Variants in KIF16B observed in about 807,000 individuals in gnomAD.
The protein encoded by KIF16B is kinesin family member 16B.
In KIF16B, 98 loss-of-function variants were observed where a neutral mutation model predicts 156.3. The observed-to-expected ratio is 0.63, with a 90% CI of 0.53 to 0.74. KIF16B has a LOEUF of 0.74. Among genes scored for constraint, KIF16B ranks in the 30% least tolerant of loss-of-function variants. KIF16B has a pLI of 0.00. For missense variants in KIF16B, 1,421 were observed against 1,606.5 expected, an observed-to-expected ratio of 0.88 and a Z score of 1.97; for synonymous variants, 564 against 583.7, an observed-to-expected ratio of 0.97 and a Z score of 0.49.
chr20:16,487,517 A>AG (rs1326931792), intron 12 of KIF16B, among the ~76,000 whole-genome samples: 1 of 152,182 alleles, frequency 6.6e-6, no homozygotes, highest in Non-Finnish European at 1.5e-5. Flanking sequence ...AGGCAGCCAG[A>AG]GAAAAAAATC....
In KIF16B at chr20:16,361,136, C is replaced by T. The variant is rs1288440119; in HGVS notation, c.3499-4684G>A. Among the ~76,000 whole-genome samples, 3 of 152,330 alleles carry T rather than the reference C, an allele frequency of 2.0e-5. No individual in the cohort carries two copies. The East Asian group carries it at 5.8e-4, about 29-fold the overall frequency. The stretch of plus-strand genomic sequence containing the variant: ...TTAACAAAATTACAAATTCTCCTGT[C>T]CCTGTTCCAACCATAGCACATATTT... On this transcript the variant is annotated intron_variant, in intron 22 of 25. Coordinates refer to ENST00000354981, the MANE Select transcript of KIF16B (RefSeq NM_024704.5).
At chr20:16,441,983 C>T (rs549948560) in intron 12 of KIF16B, among the ~76,000 whole-genome samples, 1 of 152,256 alleles carries the variant, frequency 6.6e-6, no homozygotes, top group South Asian at 2.1e-4. Context: ...TACAGATATA[C>T]AGTCCTGCAT....
chr20:16,293,854 C>A (rs2063345573), intron 25 of KIF16B, among the ~76,000 whole-genome samples: 1 of 152,116 alleles, frequency 6.6e-6, no homozygotes, highest in South Asian at 2.1e-4. Context: ...TCACCACAGT[C>A]CTGACTCAGT....
At position 16,273,129 on chromosome 20, in the gene KIF16B, T is replaced by G. The variant is rs1434667904; in HGVS notation, c.*124A>C. Reference sequence around the variant, plus strand: ...GAAACGTGAGGTGGCCCGGGCCCGCTGCTGCATGTCTGTCTTCAGCAGGAG... The same window carrying G: ...GAAACGTGAGGTGGCCCGGGCCCGCGGCTGCATGTCTGTCTTCAGCAGGAG... On this transcript the variant is annotated 3_prime_UTR_variant, in exon 26 of 26. Transcript: ENST00000354981. The G allele has an allele frequency of 1.2e-6, 1 of 808,836 alleles. No homozygotes were observed. The highest frequency in any genetic ancestry group is 2.1e-6 in the Non-Finnish European group (1 of 485,362). 50.1% of individuals were successfully genotyped at this position (808,836 alleles called of 1,614,324 possible). A position where few individuals can be genotyped will look rare whatever the true frequency, so the allele number is the denominator to read the frequency against.
chr20:16,410,756 T>C (rs2065933037), intron 15 of KIF16B, among the ~76,000 whole-genome samples: 1 of 152,084 alleles, frequency 6.6e-6, no homozygotes, highest in Non-Finnish European at 1.5e-5. Flanking sequence ...GTCTTTTTGT[T>C]AGCATAATGA....
chr20:16,422,176 C>CTA (rs2066242612), intron 15 of KIF16B, among the ~76,000 whole-genome samples: 1 of 152,040 alleles, frequency 6.6e-6, no homozygotes, highest in Non-Finnish European at 1.5e-5. Context: ...GTAATCATCG[C>CTA]TATATAAACA....
intron 1 of KIF16B, among the ~76,000 whole-genome samples, chr20:16,539,668 T>C (rs898142797): frequency 2.0e-5 from 3 of 152,230 alleles, no homozygotes; most frequent in Admixed American, 2.0e-4. Flanking sequence ...ATGCTTCCTG[T>C]ACAGCCTGCA....
At chr20:16,570,582 A>C (rs980764962) in intron 1 of KIF16B, among the ~76,000 whole-genome samples, 1 of 152,222 alleles carries the variant, frequency 6.6e-6, no homozygotes, top group Non-Finnish European at 1.5e-5. Context: ...AAGTATATTC[A>C]GTTGCCAATT....
At chr20:16,547,271 C>T (rs2070450641) in intron 1 of KIF16B, among the ~76,000 whole-genome samples, 3 of 152,202 alleles carry the variant, frequency 2.0e-5, no homozygotes, top group Admixed American at 2.0e-4. Flanking sequence ...AGAGGCAGGA[C>T]AAACACATGC....
intron 3 of KIF16B, among the ~76,000 whole-genome samples, chr20:16,517,403 T>C (rs2069176909): frequency 6.6e-6 from 1 of 152,246 alleles, no homozygotes; most frequent in Non-Finnish European, 1.5e-5. Context: ...CAACTCACAC[T>C]TACTCCGGTC....
chr20:16,277,017 C>T (rs2122265891), intron 25 of KIF16B, among the ~76,000 whole-genome samples: 1 of 152,340 alleles, frequency 6.6e-6, no homozygotes, highest in Middle Eastern at 3.4e-3. Context: ...CGTACTCCCT[C>T]CTCCGGTACA....
intron 12 of KIF16B, among the ~76,000 whole-genome samples, chr20:16,455,703 G>A (rs2067194906): frequency 6.6e-6 from 1 of 152,178 alleles, no homozygotes. Context: ...GAGAAAGAAA[G>A]AGACAAAAGG....
chr20:16,396,648 C>CTTCTTTT (rs549708653), intron 17 of KIF16B, among the ~76,000 whole-genome samples: 23 of 124,642 alleles, frequency 1.8e-4, no homozygotes, highest in African/African-American at 6.3e-4. Context: ...ACTGTAGTCG[C>CTTCTTTT]TTTTTTTTTT....
chr20:16,504,490 T>C lies in KIF16B; in HGVS notation c.1058A>G (p.Asn353Ser). 1 of 1,614,118 alleles carries C rather than the reference T, an allele frequency of 6.2e-7. No individual in the cohort carries two copies. The highest frequency in any genetic ancestry group is 8.5e-7 in the Non-Finnish European group (1 of 1,179,984). Reference protein sequence around the residue: ...GETLSTLRYANRAKNIINKPT... With the variant: ...GETLSTLRYASRAKNIINKPT... ...CTTGTTGATGATGTTTTTGGCTCTA[T>C]TTGCATAGCGAAGAGTACTTAGGGT... Residue 353 changes from asparagine to serine, a missense_variant, in exon 10 of 26, where the codon AAT becomes AGT. Physicochemically the swap from Asn to Ser is conservative, Grantham distance 46 (BLOSUM62 1). Coordinates refer to ENST00000354981, the MANE Select transcript of KIF16B (RefSeq NM_024704.5).
At chr20:16,461,546 G>T (rs1307698295) in intron 12 of KIF16B, among the ~76,000 whole-genome samples, 2 of 152,088 alleles carry the variant, frequency 1.3e-5, no homozygotes, top group Non-Finnish European at 2.9e-5. Context: ...TTAAAAAACA[G>T]TATCAGTGAT....
chr20:16,294,338 G>A (rs955624333), intron 25 of KIF16B, among the ~76,000 whole-genome samples: 5 of 152,186 alleles, frequency 3.3e-5, no homozygotes, highest in African/African-American at 1.2e-4. Flanking sequence ...CAGAGCCTGA[G>A]GCAGTATTGA....
At chr20:16,548,888 G>A (rs2070517966) in intron 1 of KIF16B, among the ~76,000 whole-genome samples, 1 of 152,144 alleles carries the variant, frequency 6.6e-6, no homozygotes, top group African/African-American at 2.4e-5. Context: ...ACTGGAAGAT[G>A]CCTCCCCAAA....
intron 15 of KIF16B, 92 bp downstream of exon 15, chr20:16,427,012 T>G: frequency 8.9e-7 from 1 of 1,121,188 alleles, no homozygotes; most frequent in South Asian, 2.1e-5. Flanking sequence ...AATCAATAAT[T>G]AATTCTAAGA....
chr20:16,363,062 T>C (rs111703084), intron 22 of KIF16B, among the ~76,000 whole-genome samples: 1 of 152,130 alleles, frequency 6.6e-6, no homozygotes, highest in Non-Finnish European at 1.5e-5. Context: ...TAAGAAACAG[T>C]GGAGAGACGG....
Sources: allele counts gnomAD v4.1 joint callset (sites outside exome capture counted in the v4.1 genomes callset), GRCh38; gene constraint gnomAD v4.1.1; transcripts MANE v1.5; gene names NCBI Gene and HGNC (gene_info 2026-07-23, HGNC 2026-07-21).